AKNA: variants seen among roughly 807,000 people sequenced by gnomAD.
AKNA encodes the protein AT-hook transcription factor, also known as microtubule organization protein AKNA.
AKNA carries 67 observed loss-of-function variants against 138.8 expected under a neutral mutation model. That is an observed-to-expected ratio of 0.48 (90% CI 0.40 to 0.59). AKNA has a LOEUF of 0.59. AKNA is among the 20% of genes least tolerant of loss of function. The pLI is 0.00. For synonymous variants in AKNA, 737 were observed against 754.4 expected (o/e 0.98, Z 0.38); for missense variants, 1,813 against 1,880.4 (o/e 0.96, Z 0.66).
At chr9:114,397,944 T>A (rs1408422658), upstream of AKNA, among the ~76,000 whole-genome samples, 1 of 152,150 alleles carries the variant, frequency 6.6e-6, no homozygotes. Context: ...CGCGGATTGT[T>A]GCTGGGTGAA....
At chr9:114,347,601 G>T in intron 16 of AKNA, 123 bp downstream of exon 16, 2 of 1,004,240 alleles carry the variant, frequency 2.0e-6, no homozygotes, top group Non-Finnish European at 2.8e-6. Flanking sequence ...GTGAATGAAT[G>T]AATGAGTGAG....
chr9:114,363,176 G>C (rs768481672), intron 7 of AKNA, among the ~76,000 whole-genome samples: 5 of 152,272 alleles, frequency 3.3e-5, no homozygotes, highest in African/African-American at 4.8e-5. Context: ...GTCATGGAGT[G>C]AGTGAGTTGT....
intron 9 of AKNA, 95 bp downstream of exon 9, chr9:114,361,609 A>T (rs1831965723): frequency 1.4e-6 from 2 of 1,396,032 alleles, no homozygotes; most frequent in African/African-American, 2.8e-5. Flanking sequence ...CATATGGCAC[A>T]CACTTCATAA....
intron 19 of AKNA, 55 bp from the exon 20 acceptor site, chr9:114,342,180 G>C: frequency 1.5e-6 from 2 of 1,351,298 alleles, no homozygotes; most frequent in Admixed American, 5.2e-5. Context: ...CATCAGATCA[G>C]GAGCCCCCAT....
chr9:114,346,627 A>G (rs764372808), intron 17 of AKNA, 42 bp downstream of exon 17: 1 of 1,516,418 alleles, frequency 6.6e-7, no homozygotes, highest in African/African-American at 1.4e-5. Context: ...ACATGCTCAG[A>G]CTGTGGCCTC....
At chr9:114,350,089 T>G (rs1476802244) in intron 15 of AKNA, among the ~76,000 whole-genome samples, 1 of 152,206 alleles carries the variant, frequency 6.6e-6, no homozygotes, top group Admixed American at 6.5e-5. Context: ...AGGCCTAGGA[T>G]AGAGTCTTGT....
chr9:114,346,059 A>G, intron 17 of AKNA, 50 bp from the exon 18 acceptor site: 1 of 1,581,346 alleles, frequency 6.3e-7, no homozygotes. Flanking sequence ...TGGGGGTCAC[A>G]TTTCTCAAGG....
rs754433727 is a variant in AKNA, at chr9:114,337,017, A to G, written c.*37T>C. 3.9e-5 allele frequency: 6 copies of G among 153,936 alleles called. No homozygotes were observed. Among genetic ancestry groups the G allele is most frequent in the Non-Finnish European group, 6.3e-5 (5 of 78,772 alleles). 9.5% of individuals were successfully genotyped at this position (153,936 alleles called of 1,614,324 possible). A position where few individuals can be genotyped will look rare whatever the true frequency, so the allele number is the denominator to read the frequency against. On this transcript the variant is annotated 3_prime_UTR_variant, in exon 22 of 22. Coordinates refer to ENST00000374088, the MANE Select transcript of AKNA (RefSeq NM_001317950.2). ...TCCTGGCCTGGCAGGCCACCTGCCC[A>G]CCCACCCACCCATCTGCCTCTGGGC...
intron 15 of AKNA, among the ~76,000 whole-genome samples, chr9:114,349,595 C>CAT (rs531342460): frequency 3.5e-4 from 54 of 152,326 alleles, no homozygotes; most frequent in African/African-American, 1.3e-3. Flanking sequence ...AACTCTAAAA[C>CAT]ATAAACCTGC....
Position 114,345,916 on chromosome 9 carries a change from CCT to C in AKNA, c.3606_3607del (p.Val1204GlyfsTer26), listed in dbSNP as rs1321908925. 6.2e-7 allele frequency: 1 copy of C among 1,614,070 alleles called. No homozygotes were observed. The highest frequency in any genetic ancestry group is 8.5e-7 in the Non-Finnish European group (1 of 1,179,932). ...GTCTGGCCATCCAGCACTGCCCACC[CCT>C]CTCTTTCCATCCCGAGCTGCCTGTG... On this transcript the variant is annotated frameshift_variant, in exon 18 of 22. Transcript: ENST00000374088. LOFTEE classifies it high-confidence loss of function.
In AKNA at chr9:114,376,450, C is replaced by T. The variant is rs774313345; in HGVS notation, c.1341+16G>A. 10 of 1,613,646 alleles carry T rather than the reference C, an allele frequency of 6.2e-6. No individual in the cohort carries two copies. The Admixed American group carries it at 1.3e-4, about 22-fold the overall frequency. Reference sequence around the variant, plus strand: ...GGGGCCTTGGTGACACATCCACAGCCATGAGTCCCACTAACCTGGAGCTGA... The same window carrying T: ...GGGGCCTTGGTGACACATCCACAGCTATGAGTCCCACTAACCTGGAGCTGA... On this transcript the variant is annotated intron_variant, in intron 3 of 21. Coordinates refer to ENST00000374088, the MANE Select transcript of AKNA (RefSeq NM_001317950.2).
chr9:114,345,666 T>C, intron 18 of AKNA, 197 bp downstream of exon 18: 3 of 546,540 alleles, frequency 5.5e-6, no homozygotes, highest in Non-Finnish European at 9.6e-6. Flanking sequence ...GTTTGCTGAA[T>C]GAATGAATGA....
chr9:114,347,783 G>T lies in AKNA; in HGVS notation c.3339C>A (p.Pro1113=). ...CTGCTGGCCGGCCGCGGGTCCGGGC[G>T]GGGCGGTCAAAGGCAGATGCTGGGC... is the stretch of plus-strand genomic sequence containing the variant. The part of the protein sequence containing the change: ...PTRPASAFDR[P]ARTRGRPADS... The change falls in exon 16 of 22, where the codon CCC becomes CCA. Residue 1113 remains proline (P), a synonymous_variant. Transcript: ENST00000374088. 1 of 1,548,196 alleles carries T rather than the reference G, an allele frequency of 6.5e-7. No individual in the cohort carries two copies. Among genetic ancestry groups the T allele is most frequent in the South Asian group, 1.2e-5 (1 of 83,598 alleles).
intron 6 of AKNA, among the ~76,000 whole-genome samples, chr9:114,366,441 A>G (rs1832365746): frequency 6.6e-6 from 1 of 152,172 alleles, no homozygotes; most frequent in African/African-American, 2.4e-5. Context: ...GCCTATAAAG[A>G]CAGGAAGCAG....
chr9:114,352,697 C>A (rs1352598099), intron 14 of AKNA, among the ~76,000 whole-genome samples: 7 of 151,760 alleles, frequency 4.6e-5, no homozygotes, highest in Non-Finnish European at 8.8e-5. Flanking sequence ...CCGAGGCGGG[C>A]GGGTCACAAG....
At chr9:114,349,371 A>G (rs1830940797) in intron 15 of AKNA, among the ~76,000 whole-genome samples, 2 of 152,064 alleles carry the variant, frequency 1.3e-5, no homozygotes, top group Admixed American at 1.3e-4. Context: ...ACTCTGAGTC[A>G]CTCTAGATCC....
chr9:114,398,175 G>A (rs915306102), upstream of AKNA, among the ~76,000 whole-genome samples: 2 of 152,160 alleles, frequency 1.3e-5, no homozygotes, highest in African/African-American at 4.8e-5. The surrounding 1 kb of genome is among the most constrained non-coding windows in gnomAD (Gnocchi z 4.2). Context: ...GGTGGAGACT[G>A]AGGAACCCCG....
intron 3 of AKNA, 103 bp downstream of exon 3, chr9:114,376,363 C>T (rs1474539630): frequency 2.4e-6 from 3 of 1,252,706 alleles, no homozygotes; most frequent in Non-Finnish European, 3.4e-6. Context: ...CAGGCCTCTC[C>T]ACCCCAGCCA....
intron 7 of AKNA, among the ~76,000 whole-genome samples, chr9:114,363,734 T>A (rs1326110923): frequency 1.3e-5 from 2 of 152,072 alleles, no homozygotes; most frequent in Admixed American, 6.6e-5. Flanking sequence ...CTATGAGAGA[T>A]CACAGGGTGG....
Sources: allele counts gnomAD v4.1 joint callset (sites outside exome capture counted in the v4.1 genomes callset), GRCh38; gene constraint gnomAD v4.1.1; non-coding constraint Gnocchi (gnomAD v3.1); transcripts MANE v1.5; gene names NCBI Gene and HGNC (gene_info 2026-07-23, HGNC 2026-07-21).